Variants in TOX observed in about 807,000 individuals in gnomAD.
The protein encoded by TOX is thymocyte selection-associated high mobility group box protein TOX.
TOX carries 11 observed loss-of-function variants against 53.7 expected under a neutral mutation model. The ratio of observed to expected loss-of-function variants is 0.20; its 90% CI spans 0.13 to 0.34. The LOEUF (loss-of-function observed/expected upper bound fraction) is 0.34, where lower values mean the gene tolerates loss of function less well. Among genes scored for constraint, TOX ranks in the 10% least tolerant of loss-of-function variants. The pLI, the probability that TOX is intolerant of heterozygous loss-of-function variation, is 1.00. For synonymous variants in TOX, 225 were observed against 245.3 expected, an observed-to-expected ratio of 0.92 and a Z score of 0.77; for missense variants, 570 against 664.6, an observed-to-expected ratio of 0.86 and a Z score of 1.56.
rs376255210 is a variant in TOX, at chr8:59,029,385, C to T, written c.103-69377G>A. Among the ~76,000 whole-genome samples, 28 of 152,266 alleles carry T rather than the reference C, an allele frequency of 1.8e-4. No homozygotes were observed. In the South Asian group the frequency reaches 5.8e-3, roughly 32 times the overall value. ...GTAATTTATGTTGGATTAAATATCCCTAACAGGGACCCTTAAGTAACCCAA... is the reference window on the plus strand; with the variant it reads ...GTAATTTATGTTGGATTAAATATCCTTAACAGGGACCCTTAAGTAACCCAA... On this transcript the variant is annotated intron_variant, in intron 1 of 8. Coordinates refer to ENST00000361421, the MANE Select transcript of TOX (RefSeq NM_014729.3).
intron 1 of TOX, among the ~76,000 whole-genome samples, chr8:59,068,814 C>T (rs1804141618): frequency 6.6e-6 from 1 of 152,098 alleles, no homozygotes; most frequent in South Asian, 2.1e-4. Context: ...ACCTATCATC[C>T]TAAAGTTAAG....
intron 2 of TOX, among the ~76,000 whole-genome samples, chr8:58,948,331 C>G (rs906357337): frequency 1.2e-4 from 18 of 152,142 alleles, no homozygotes; most frequent in African/African-American, 3.9e-4. Context: ...AGGGCTTTCT[C>G]CCGCCATAAT....
At chr8:59,005,862 C>A (rs1813782500) in intron 1 of TOX, among the ~76,000 whole-genome samples, 1 of 152,226 alleles carries the variant, frequency 6.6e-6, no homozygotes. Flanking sequence ...GCTGTCCTGG[C>A]TGGATTTAAA....
At chr8:58,826,950 G>T in intron 5 of TOX, 48 bp from the exon 6 acceptor site, 1 of 1,537,468 alleles carries the variant, frequency 6.5e-7, no homozygotes, top group Non-Finnish European at 8.9e-7. Context: ...ATTTGCTTTT[G>T]TTTTCAGAGA....
intron 1 of TOX, among the ~76,000 whole-genome samples, chr8:58,986,953 T>C (rs1314098111): frequency 1.3e-5 from 2 of 152,208 alleles, no homozygotes; most frequent in Non-Finnish European, 2.9e-5. Flanking sequence ...GGTGTTAACA[T>C]GGAAAGGAGA....
At chr8:59,087,036 T>C (rs1366923548) in intron 1 of TOX, among the ~76,000 whole-genome samples, 1 of 152,236 alleles carries the variant, frequency 6.6e-6, no homozygotes, top group East Asian at 1.9e-4. Flanking sequence ...AAACAGCCTA[T>C]GACATATTAT....
chr8:59,065,334 T>C (rs1204398294), intron 1 of TOX, among the ~76,000 whole-genome samples: 1 of 152,184 alleles, frequency 6.6e-6, no homozygotes, highest in African/African-American at 2.4e-5. Context: ...ATGTGACTAA[T>C]TTGGATTACA....
chr8:58,979,675 G>C (rs7812381), intron 1 of TOX, among the ~76,000 whole-genome samples: 45,904 of 152,090 alleles, frequency 0.3, 8,454 homozygotes, highest in South Asian at 0.43. Context: ...AGATTCTCAT[G>C]ATGATTTTTG....
At chr8:58,870,156 T>A (rs984728105) in intron 3 of TOX, among the ~76,000 whole-genome samples, 1 of 152,102 alleles carries the variant, frequency 6.6e-6, no homozygotes, top group Non-Finnish European at 1.5e-5. Flanking sequence ...ATAAGTGACA[T>A]AATTGTCTAT....
chr8:58,963,293 A>AGATG (rs1205555600), intron 1 of TOX, among the ~76,000 whole-genome samples: 1 of 72,852 alleles, frequency 1.4e-5, no homozygotes, highest in Admixed American at 1.3e-4. Flanking sequence ...GATAGATAGA[A>AGATG]GATAGATAGA....
At chr8:58,938,581 G>T (rs1812385318) in intron 3 of TOX, among the ~76,000 whole-genome samples, 1 of 152,134 alleles carries the variant, frequency 6.6e-6, no homozygotes, top group African/African-American at 2.4e-5. Flanking sequence ...CAGAAGGAAA[G>T]ATTTTATAAT....
chr8:58,854,416 G>C (rs563223926), intron 3 of TOX, among the ~76,000 whole-genome samples: 1 of 149,892 alleles, frequency 6.7e-6, no homozygotes, highest in African/African-American at 2.4e-5. Flanking sequence ...TCACTTTATC[G>C]CACTTTCTCT....
At chr8:58,965,894 GTTTTTTT>G (rs67045037) in intron 1 of TOX, among the ~76,000 whole-genome samples, 7 of 49,624 alleles carry the variant, frequency 1.4e-4, no homozygotes, top group South Asian at 1.7e-3. Flanking sequence ...ACGAGTCATC[GTTTTTTT>G]TTTTTTTTTT....
intron 3 of TOX, among the ~76,000 whole-genome samples, chr8:58,853,636 A>G (rs189637536): frequency 6.6e-6 from 1 of 152,344 alleles, no homozygotes; most frequent in African/African-American, 2.4e-5. Context: ...CATTTTACAT[A>G]TTCCATAAAA....
At chr8:58,903,320 T>C (rs955848304) in intron 3 of TOX, among the ~76,000 whole-genome samples, 7 of 152,202 alleles carry the variant, frequency 4.6e-5, no homozygotes, top group Non-Finnish European at 1.0e-4. Context: ...TTGAGGGCCT[T>C]GATCATATGC....
chr8:58,829,666 T>C (rs1340140088), intron 5 of TOX, among the ~76,000 whole-genome samples: 1 of 152,174 alleles, frequency 6.6e-6, no homozygotes, highest in African/African-American at 2.4e-5. Context: ...GGCTCCCATT[T>C]TGTACACTCT....
chr8:58,986,121 T>C (rs1813323875), intron 1 of TOX, among the ~76,000 whole-genome samples: 1 of 152,088 alleles, frequency 6.6e-6, no homozygotes, highest in Admixed American at 6.5e-5. Context: ...TTTTAAAACA[T>C]AGTACTTAAG....
chr8:58,892,650 G>A (rs1193334201), intron 3 of TOX, among the ~76,000 whole-genome samples: 4 of 152,138 alleles, frequency 2.6e-5, no homozygotes, highest in African/African-American at 4.8e-5. Flanking sequence ...CACACATACC[G>A]GGTAAAGTTG....
intron 1 of TOX, chr8:58,992,951 AG>A (rs1813484408): frequency 6.6e-6 from 1 of 152,224 alleles, no homozygotes; most frequent in Non-Finnish European, 1.5e-5. Flanking sequence ...TGGATACCCA[AG>A]TAAAGAAAAA....
Sources: gnomAD v4.1 joint callset for allele counts (sites outside exome capture counted in the v4.1 genomes callset) on GRCh38, gnomAD v4.1.1 for gene constraint, MANE v1.5 for transcripts, NCBI Gene and HGNC (gene_info 2026-07-23, HGNC 2026-07-21) for gene names.